The following RIT2 variants were observed in gnomAD, a reference collection of about 807,000 sequenced individuals.
RIT2 encodes GTP-binding protein Rit2.
In RIT2, 24 loss-of-function variants were observed where a neutral mutation model predicts 23.7. The observed-to-expected ratio is 1.01, with a 90% confidence interval of 0.73 to 1.43. The LOEUF is 1.43. Among genes scored for constraint, RIT2 ranks in the 40% most tolerant of loss-of-function variants. The pLI, the probability that RIT2 is intolerant of heterozygous loss-of-function variation, is 0.00. For missense variants in RIT2, 236 were observed against 266.9 expected, an observed-to-expected ratio of 0.88 and a Z score of 0.81; for synonymous variants, 107 against 91.1, an observed-to-expected ratio of 1.17 and a Z score of -0.99.
At chr18:43,090,141 C>T (rs775999721) in intron 1 of RIT2, among the ~76,000 whole-genome samples, 2 of 151,766 alleles carry the variant, frequency 1.3e-5, no homozygotes, top group Non-Finnish European at 2.9e-5. Context: ...AACTATGCAT[C>T]TGACATAGAA....
chr18:42,798,976 A>G (rs962042451), intron 4 of RIT2, among the ~76,000 whole-genome samples: 8 of 152,354 alleles, frequency 5.3e-5, no homozygotes, highest in African/African-American at 1.7e-4. Flanking sequence ...AACTGCAGCC[A>G]GTCTCATTGC....
chr18:43,100,349 A>G (rs986697610), intron 1 of RIT2, among the ~76,000 whole-genome samples: 3 of 152,148 alleles, frequency 2.0e-5, no homozygotes, highest in African/African-American at 7.2e-5. Context: ...ACAGCATGGA[A>G]GCTGATATTT....
At chr18:43,081,210 T>C (rs1269739135) in intron 1 of RIT2, among the ~76,000 whole-genome samples, 6 of 152,202 alleles carry the variant, frequency 3.9e-5, no homozygotes. Flanking sequence ...TTTGGATGTT[T>C]AAACTTACTT....
At chr18:42,835,814 T>C (rs1906586288) in intron 4 of RIT2, among the ~76,000 whole-genome samples, 1 of 152,240 alleles carries the variant, frequency 6.6e-6, no homozygotes, top group East Asian at 1.9e-4. Flanking sequence ...AAAATAAAAG[T>C]TATAAAGTCA....
At chr18:42,832,354 A>C (rs1436654471) in intron 4 of RIT2, among the ~76,000 whole-genome samples, 1 of 152,212 alleles carries the variant, frequency 6.6e-6, no homozygotes, top group Non-Finnish European at 1.5e-5. Flanking sequence ...CCAAGTGAAA[A>C]ATGTTGATGA....
chr18:43,062,872 TA>T (rs1025022194), intron 1 of RIT2, among the ~76,000 whole-genome samples: 137 of 152,274 alleles, frequency 9.0e-4, no homozygotes, highest in African/African-American at 3.1e-3. Context: ...AAAGGCATTC[TA>T]ACAGAAATAT....
intron 4 of RIT2, among the ~76,000 whole-genome samples, chr18:42,769,989 A>G (rs1913512272): frequency 1.3e-5 from 2 of 151,988 alleles, no homozygotes; most frequent in African/African-American, 4.8e-5. Context: ...CAGTTTCTAC[A>G]GATCCAAGAC....
Position 43,059,378 on chromosome 18 carries a change from T to A in RIT2, c.104-25511A>T, listed in dbSNP as rs1912587419. 3.3e-5 allele frequency among the ~76,000 whole-genome samples: 5 copies of A among 152,262 alleles called. No individual in the cohort carries two copies. The South Asian group carries it at 1.0e-3, about 32-fold the overall frequency. ...ACTTCATTCAAAACCACAATGTTAT[T>A]CTTGCTTTGGGTAGAGTATTCAAAT... On this transcript the variant is annotated intron_variant, in intron 1 of 4. Coordinates refer to ENST00000326695, the MANE Select transcript of RIT2 (RefSeq NM_002930.4).
At chr18:42,920,682 G>T in intron 4 of RIT2, 1 of 1,555,602 alleles carries the variant, frequency 6.4e-7, no homozygotes, top group Non-Finnish European at 8.8e-7. Context: ...TAAGAATACA[G>T]GCACCTATTC....
intron 1 of RIT2, among the ~76,000 whole-genome samples, chr18:43,084,591 A>G (rs1913238159): frequency 6.6e-6 from 1 of 152,214 alleles, no homozygotes; most frequent in Non-Finnish European, 1.5e-5. Context: ...AGGGAGATGG[A>G]TGAAGCTGGA....
chr18:42,937,500 G>A (rs1909489854), intron 3 of RIT2, among the ~76,000 whole-genome samples: 2 of 152,092 alleles, frequency 1.3e-5, no homozygotes, highest in South Asian at 4.1e-4. Context: ...GCTTGACTGT[G>A]CTGGCAACAT....
chr18:43,039,176 G>C (rs1199168540), intron 1 of RIT2, among the ~76,000 whole-genome samples: 1 of 151,918 alleles, frequency 6.6e-6, no homozygotes, highest in African/African-American at 2.4e-5. Context: ...CAGTATTTTG[G>C]CAATTAGCGT....
intron 4 of RIT2, among the ~76,000 whole-genome samples, chr18:42,899,658 G>A (rs1274320062): frequency 3.9e-5 from 6 of 152,002 alleles, no homozygotes; most frequent in African/African-American, 1.4e-4. Context: ...TCAGCTTTGG[G>A]ACATTCATTT....
intron 1 of RIT2, among the ~76,000 whole-genome samples, chr18:43,043,271 A>G (rs1454890405): frequency 2.0e-5 from 3 of 152,170 alleles, no homozygotes; most frequent in Non-Finnish European, 4.4e-5. Flanking sequence ...GAGCAATATC[A>G]AGGAATCAAA....
intron 4 of RIT2, among the ~76,000 whole-genome samples, chr18:42,774,326 A>G (rs1035858264): frequency 1.3e-5 from 2 of 152,072 alleles, no homozygotes; most frequent in Non-Finnish European, 2.9e-5. Context: ...TTCAGACAGG[A>G]CCTAGCAATT....
chr18:43,043,673 C>A (rs1912180655), intron 1 of RIT2, among the ~76,000 whole-genome samples: 1 of 151,954 alleles, frequency 6.6e-6, no homozygotes, highest in Non-Finnish European at 1.5e-5. Context: ...GTCTGTAATC[C>A]CAGCTACTCG....
At chr18:43,022,052 G>A (rs8096428) in intron 2 of RIT2, among the ~76,000 whole-genome samples, 5,690 of 152,064 alleles carry the variant, frequency 0.037, 352 homozygotes, top group African/African-American at 0.13. Flanking sequence ...TAAGAAATCA[G>A]CCTAAATGTC....
intron 4 of RIT2, among the ~76,000 whole-genome samples, chr18:42,788,357 C>A (rs954088394): frequency 1.3e-5 from 2 of 152,016 alleles, no homozygotes; most frequent in African/African-American, 4.8e-5. Context: ...GATACTACAC[C>A]AATACTTGGC....
At chr18:42,788,135 G>A (rs1598653879) in intron 4 of RIT2, among the ~76,000 whole-genome samples, 1 of 151,954 alleles carries the variant, frequency 6.6e-6, no homozygotes, top group East Asian at 1.9e-4. Context: ...AAAAATATTT[G>A]TTTAGAAGAG....
Sources: allele counts gnomAD v4.1 joint callset (sites outside exome capture counted in the v4.1 genomes callset), GRCh38; gene constraint gnomAD v4.1.1; transcripts MANE v1.5; gene names NCBI Gene and HGNC (gene_info 2026-07-23, HGNC 2026-07-21).